The following CPA6 variants were observed in gnomAD, a reference collection of about 807,000 sequenced individuals.
The protein encoded by CPA6 is carboxypeptidase B.
A neutral mutation model predicts 63.3 loss-of-function variants in CPA6; 58 were observed. The observed-to-expected ratio is 0.92, with a 90% CI of 0.74 to 1.14. The LOEUF (loss-of-function observed/expected upper bound fraction) is 1.14. CPA6 is among the 50% of genes most tolerant of loss of function. CPA6 has a pLI of 0.00. For missense variants in CPA6, 565 were observed against 526.6 expected (o/e 1.07, Z -0.71); for synonymous variants, 185 against 179.0 (o/e 1.03, Z -0.27).
At chr8:67,676,240 A>G (rs1327606102) in intron 1 of CPA6, among the ~76,000 whole-genome samples, 2 of 152,156 alleles carry the variant, frequency 1.3e-5, no homozygotes, top group East Asian at 3.9e-4. Context: ...GGGACAATTT[A>G]TAAATATGGA....
chr8:67,502,408 A>G (rs750384315), intron 6 of CPA6, among the ~76,000 whole-genome samples: 1 of 152,216 alleles, frequency 6.6e-6, no homozygotes, highest in Non-Finnish European at 1.5e-5. Context: ...GGCTGCAGTG[A>G]GCCATAATCA....
intron 1 of CPA6, among the ~76,000 whole-genome samples, chr8:67,713,099 GTATA>G (rs67842734): frequency 0.031 from 1,696 of 54,912 alleles, 35 homozygotes; most frequent in African/African-American, 0.061. Context: ...GTGTGTGTGT[GTATA>G]TATATATATA....
At chr8:67,723,526 G>C (rs1817541783) in intron 1 of CPA6, among the ~76,000 whole-genome samples, 1 of 152,104 alleles carries the variant, frequency 6.6e-6, no homozygotes, top group Non-Finnish European at 1.5e-5. Context: ...ATAACAATTT[G>C]ACCTTCTCTG....
At chr8:67,638,689 G>A (rs562447593) in intron 1 of CPA6, among the ~76,000 whole-genome samples, 9 of 151,642 alleles carry the variant, frequency 5.9e-5, no homozygotes, top group East Asian at 5.8e-4. Context: ...CAAAGGCCTC[G>A]TCCCCTTTCC....
chr8:67,448,100 C>G (rs1329939116), intron 8 of CPA6, among the ~76,000 whole-genome samples: 1 of 152,194 alleles, frequency 6.6e-6, no homozygotes, highest in Admixed American at 6.5e-5. Flanking sequence ...GCCTTCCTTA[C>G]TGGAAGTGTG....
At chr8:67,496,520 TA>T (rs1811715773) in intron 6 of CPA6, among the ~76,000 whole-genome samples, 259 of 3,444 alleles carry the variant, frequency 0.075, 1 homozygote, top group East Asian at 0.13. Context: ...CTATATAGTT[TA>T]TATATATATA....
At chr8:67,735,282 G>A (rs1036372973) in intron 1 of CPA6, 7 of 152,260 alleles carry the variant, frequency 4.6e-5, no homozygotes, top group African/African-American at 1.7e-4. Context: ...CTACTTTGAA[G>A]ATTCTTAACC....
chr8:67,524,957 C>A (rs1442881601), intron 2 of CPA6, among the ~76,000 whole-genome samples: 1 of 152,172 alleles, frequency 6.6e-6, no homozygotes, highest in Non-Finnish European at 1.5e-5. Flanking sequence ...TATACTGCTT[C>A]ATAGGTTACA....
chr8:67,475,857 T>C (rs905359407), intron 8 of CPA6, among the ~76,000 whole-genome samples: 64 of 99,150 alleles, frequency 6.5e-4, no homozygotes, highest in African/African-American at 1.9e-3. Flanking sequence ...CTTTCTTTCT[T>C]TCTTTCTTTC....
At chr8:67,500,763 A>ATTTT (rs757413090) in intron 6 of CPA6, among the ~76,000 whole-genome samples, 13 of 141,992 alleles carry the variant, frequency 9.2e-5, no homozygotes, top group African/African-American at 3.3e-4. Flanking sequence ...AAAAAGATTC[A>ATTTT]TTTTTTTTTT....
chr8:67,469,161 G>A (rs958877708), intron 8 of CPA6, among the ~76,000 whole-genome samples: 1 of 152,178 alleles, frequency 6.6e-6, no homozygotes, highest in Non-Finnish European at 1.5e-5. Flanking sequence ...CTAGGCCACA[G>A]CACCTATATA....
At chr8:67,565,662 AAGGATAGTTCCTTGCCAAACTGTTT>A (rs1813320518) in intron 2 of CPA6, among the ~76,000 whole-genome samples, 1 of 152,218 alleles carries the variant, frequency 6.6e-6, no homozygotes, top group Admixed American at 6.5e-5. Context: ...CTGCATAGTC[AAGGATAGTTCCTTGCCAAACTGTTT>A]AGTTTTTTTC....
At chr8:67,661,090 A>G (rs1220808279) in intron 1 of CPA6, among the ~76,000 whole-genome samples, 1 of 152,226 alleles carries the variant, frequency 6.6e-6, no homozygotes, top group African/African-American at 2.4e-5. Flanking sequence ...AATAAGTAAA[A>G]TATACAGAGT....
At chr8:67,727,278 C>T (rs1343844721) in intron 1 of CPA6, among the ~76,000 whole-genome samples, 1 of 152,074 alleles carries the variant, frequency 6.6e-6, no homozygotes, top group Non-Finnish European at 1.5e-5. Context: ...ACCTTTGTAT[C>T]CTATTTTCTC....
intron 1 of CPA6, among the ~76,000 whole-genome samples, chr8:67,646,798 G>A (rs1380147994): frequency 6.6e-6 from 1 of 152,114 alleles, no homozygotes; most frequent in African/African-American, 2.4e-5. Flanking sequence ...AAACACAAGC[G>A]CAAAGGCCCT....
chr8:67,719,999 A>G (rs929044400), intron 1 of CPA6, among the ~76,000 whole-genome samples: 1 of 152,174 alleles, frequency 6.6e-6, no homozygotes, highest in Admixed American at 6.5e-5. Flanking sequence ...ACCACCAAAC[A>G]GGCTTTGTGT....
intron 3 of CPA6, among the ~76,000 whole-genome samples, chr8:67,515,812 T>C (rs1180768332): frequency 6.6e-6 from 1 of 152,186 alleles, no homozygotes; most frequent in African/African-American, 2.4e-5. Context: ...CCTGTGGATC[T>C]TGTCACGAGC....
intron 1 of CPA6, among the ~76,000 whole-genome samples, chr8:67,657,002 A>G (rs987726161): frequency 6.6e-6 from 1 of 152,156 alleles, no homozygotes; most frequent in Non-Finnish European, 1.5e-5. Flanking sequence ...ATATGATCCT[A>G]TGTTCTATTT....
chr8:67,591,267 C>CA (rs1185797509), intron 2 of CPA6, among the ~76,000 whole-genome samples: 2 of 152,050 alleles, frequency 1.3e-5, no homozygotes, highest in Non-Finnish European at 2.9e-5. Context: ...GTACCAGTAC[C>CA]ATGCTGTTTT....
Sources: gnomAD v4.1 joint callset for allele counts (sites outside exome capture counted in the v4.1 genomes callset) on GRCh38, gnomAD v4.1.1 for gene constraint, MANE v1.5 for transcripts, NCBI Gene and HGNC (gene_info 2026-07-23, HGNC 2026-07-21) for gene names.